The following CDC73 variants were observed in gnomAD, a reference collection of about 807,000 sequenced individuals.
CDC73 encodes the protein cell division cycle 73.
In CDC73, 21 loss-of-function variants were observed where a neutral mutation model predicts 83.7. The observed-to-expected ratio is 0.25, with a 90% CI of 0.18 to 0.36. The LOEUF is 0.36. CDC73 is among the 10% of genes least tolerant of loss of function. The pLI is 1.00. For missense variants in CDC73, 342 were observed against 653.3 expected (o/e 0.52, Z 5.19); for synonymous variants, 224 against 212.9 (o/e 1.05, Z -0.45).
intron 14 of CDC73, among the ~76,000 whole-genome samples, chr1:193,233,363 C>CTATATTTTTTAAA (rs1409980395): frequency 6.6e-6 from 1 of 151,898 alleles, no homozygotes; most frequent in Non-Finnish European, 1.5e-5. Flanking sequence ...ACCTGGCAGC[C>CTATATTTTTTAAA]TATATTTTTT....
chr1:193,180,042 T>TG (rs1295267155), intron 10 of CDC73: 1 of 294,408 alleles, frequency 3.4e-6, no homozygotes, highest in African/African-American at 2.2e-5. Flanking sequence ...GATTTATGCA[T>TG]GCTTGTTATT....
intron 15 of CDC73, among the ~76,000 whole-genome samples, chr1:193,245,375 G>A (rs1677936580): frequency 1.3e-5 from 2 of 152,086 alleles, no homozygotes; most frequent in Admixed American, 6.5e-5. Context: ...AACTTGTGGT[G>A]TTTAACTTTA....
intron 13 of CDC73, among the ~76,000 whole-genome samples, chr1:193,216,501 G>T (rs1329955286): frequency 6.6e-6 from 1 of 152,032 alleles, no homozygotes; most frequent in Non-Finnish European, 1.5e-5. Context: ...ATTAACAGCT[G>T]AATTCTACCA....
intron 11 of CDC73, among the ~76,000 whole-genome samples, chr1:193,204,891 C>T (rs1259779970): frequency 6.6e-6 from 1 of 152,138 alleles, no homozygotes; most frequent in African/African-American, 2.4e-5. Flanking sequence ...CCTGCAGCAG[C>T]ACAGAATTAT....
chr1:193,232,032 G>A (rs1259287473), intron 13 of CDC73, among the ~76,000 whole-genome samples: 2 of 152,056 alleles, frequency 1.3e-5, no homozygotes, highest in East Asian at 1.9e-4. Flanking sequence ...AAATTTTACA[G>A]GTGGTAATAG....
intron 10 of CDC73, among the ~76,000 whole-genome samples, chr1:193,167,193 T>C (rs1676448356): frequency 6.6e-6 from 1 of 152,224 alleles, no homozygotes; most frequent in Non-Finnish European, 1.5e-5. Flanking sequence ...TGTTTTCAGC[T>C]CCACACATAG....
Position 193,216,816 on chromosome 1 carries a change from G to A in CDC73, c.1154+4339G>A, listed in dbSNP as rs115786499. 4.6e-3 allele frequency among the ~76,000 whole-genome samples: 698 copies of A among 152,190 alleles called. 2 individuals carry two copies. The highest frequency in any genetic ancestry group is 7.9e-3 in the Non-Finnish European group (537 of 68,014). On this transcript the variant is annotated intron_variant, in intron 13 of 16. Transcript: ENST00000367435. ...AAATGCAAATCAGTAAACATGATTC[G>A]TCACATAAACAGAACTAAAAAAATT...
At chr1:193,128,652 T>G (rs1239527611) in intron 2 of CDC73, among the ~76,000 whole-genome samples, 2 of 152,200 alleles carry the variant, frequency 1.3e-5, no homozygotes, top group African/African-American at 4.8e-5. Context: ...TGCACTCAAA[T>G]TTTTAAACTC....
chr1:193,246,502 A>G (rs1677955715), intron 15 of CDC73, among the ~76,000 whole-genome samples: 1 of 152,162 alleles, frequency 6.6e-6, no homozygotes, highest in African/African-American at 2.4e-5. Context: ...ATACAAAATC[A>G]TCATACAAAA....
At chr1:193,178,019 T>A (rs924438726) in intron 10 of CDC73, among the ~76,000 whole-genome samples, 1 of 152,212 alleles carries the variant, frequency 6.6e-6, no homozygotes, top group African/African-American at 2.4e-5. Context: ...TTTAAAATTA[T>A]ATTTTTATGT....
intron 15 of CDC73, among the ~76,000 whole-genome samples, chr1:193,240,492 C>A (rs1677838796): frequency 6.6e-6 from 1 of 152,144 alleles, no homozygotes; most frequent in Non-Finnish European, 1.5e-5. Context: ...GTAGGAGTTC[C>A]CTTTTCTCTG....
At chr1:193,216,821 A>G (rs1677376215) in intron 13 of CDC73, among the ~76,000 whole-genome samples, 1 of 152,206 alleles carries the variant, frequency 6.6e-6, no homozygotes, top group African/African-American at 2.4e-5. Context: ...GATTCGTCAC[A>G]TAAACAGAAC....
chr1:193,201,755 A>G (rs1386420929), intron 10 of CDC73, among the ~76,000 whole-genome samples: 1 of 152,116 alleles, frequency 6.6e-6, no homozygotes, highest in South Asian at 2.1e-4. Flanking sequence ...TTTCCATATT[A>G]TTTACATATG....
At position 193,249,792 on chromosome 1, in the gene CDC73, G is replaced by A. The variant is rs1199025166; in HGVS notation, c.1480G>A (p.Val494Ile). The A allele has an allele frequency of 2.5e-6, 4 of 1,610,926 alleles. No individual in the cohort carries two copies. Among genetic ancestry groups the A allele is most frequent in the Admixed American group, 1.7e-5 (1 of 59,914 alleles). ...RLDPNVQKWD[V>I]TVLELSYHKR... ...GGATCCAAATGTTCAGAAATGGGAT[G>A]TAACAGTATTAGAACTCAGCTATCA... Residue 494 changes from valine to isoleucine, a missense_variant, in exon 16 of 17, where the codon GTA becomes ATA. Transcript: ENST00000367435.
intron 2 of CDC73, among the ~76,000 whole-genome samples, chr1:193,129,440 ATTTCTAATGATTATTTTCTGTATATC>A: frequency 6.6e-6 from 1 of 151,502 alleles, no homozygotes; most frequent in Middle Eastern, 3.4e-3. Flanking sequence ...TCATTGCTTT[ATTTCTAATGATTATTTTCTGTATATC>A]TTCCTGGAAT....
chr1:193,146,602 C>T (rs780733224), intron 7 of CDC73, among the ~76,000 whole-genome samples: 4 of 152,162 alleles, frequency 2.6e-5, no homozygotes, highest in East Asian at 3.9e-4. Context: ...TTAATCCATT[C>T]GTAAGGGTGG....
intron 10 of CDC73, among the ~76,000 whole-genome samples, chr1:193,165,547 C>T (rs1038226711): frequency 1.3e-5 from 2 of 152,142 alleles, no homozygotes; most frequent in African/African-American, 4.8e-5. Flanking sequence ...AAGATACATA[C>T]AGCATAAATG....
chr1:193,204,907 T>C (rs748734215), intron 11 of CDC73, among the ~76,000 whole-genome samples: 1 of 152,210 alleles, frequency 6.6e-6, no homozygotes, highest in Non-Finnish European at 1.5e-5. Context: ...ATTATAATTT[T>C]AATAGAATCA....
At position 193,236,384 on chromosome 1, in the gene CDC73, C is replaced by T. The variant is rs368135060; in HGVS notation, c.1417+28C>T. The T allele has an allele frequency of 1.4e-4, 181 of 1,324,950 alleles. 1 individual carries two copies. The East Asian group carries it at 1.7e-3, about 13-fold the overall frequency. 82.1% of individuals were successfully genotyped at this position (1,324,950 alleles called of 1,614,324 possible). ...AAGATTCTCTTTGTATTTACTGTAT[C>T]CAGTATAGAAATGTTCTCACTTTAT... On this transcript the variant is annotated intron_variant, in intron 15 of 16. Transcript: ENST00000367435.
Sources: allele counts gnomAD v4.1 joint callset (sites outside exome capture counted in the v4.1 genomes callset), GRCh38; gene constraint gnomAD v4.1.1; transcripts MANE v1.5; gene names NCBI Gene and HGNC (gene_info 2026-07-23, HGNC 2026-07-21).